FBXO9: variants seen among roughly 807,000 people sequenced by gnomAD.
FBXO9 encodes the protein F-box protein 9, also known as F-box only protein 9.
FBXO9 carries 43 observed loss-of-function variants against 63.7 expected under a neutral mutation model. The ratio of observed to expected loss-of-function variants is 0.67; its 90% CI spans 0.53 to 0.87. The LOEUF (loss-of-function observed/expected upper bound fraction) is 0.87, where lower values mean the gene tolerates loss of function less well. Among genes scored for constraint, FBXO9 ranks in the 40% least tolerant of loss-of-function variants. FBXO9 has a pLI of 0.00. For synonymous variants in FBXO9, 156 were observed against 171.7 expected (o/e 0.91, Z 0.72); for missense variants, 442 against 533.2 (o/e 0.83, Z 1.68).
rs1763287816 is a variant in FBXO9, at chr6:53,099,108, C to T, written c.*1278C>T. On this transcript the variant is annotated 3_prime_UTR_variant, in exon 13 of 13. Coordinates refer to ENST00000323557, the MANE Select transcript of FBXO9 (RefSeq NM_033480.3). ...GGCTTTTTAAAAAGCACATACAGAC[C>T]AGGCGTGGTGGCTCATGCCTATAAT... The T allele has an allele frequency of 6.6e-6, 1 of 151,800 alleles. No individual in the cohort carries two copies. Among genetic ancestry groups the T allele is most frequent in the African/African-American group, 2.4e-5 (1 of 41,268 alleles). 9.4% of individuals were successfully genotyped at this position (151,800 alleles called of 1,614,324 possible).
At position 53,078,996 on chromosome 6, in the gene FBXO9, T is replaced by C. The variant is rs1030335285; in HGVS notation, c.407+98T>C. 8.9e-6 allele frequency: 7 copies of C among 785,224 alleles called. No individual in the cohort carries two copies. The African/African-American group carries it at 1.0e-4, about 12-fold the overall frequency. The allele number at this position is 785,224 out of a possible 1,614,324, so 48.6% of individuals were successfully genotyped here. A position where few individuals can be genotyped will look rare whatever the true frequency, so the allele number is the denominator to read the frequency against. The stretch of plus-strand genomic sequence containing the variant: ...TAAGATGGTGCTAATTCTGTTGAGC[T>C]CTATACTCTTTAGTATATCTTTGTT... On this transcript the variant is annotated intron_variant, in intron 5 of 12. Transcript: ENST00000323557.
intron 2 of FBXO9, 94 bp from the exon 3 acceptor site, chr6:53,073,387 C>A (rs924636215): frequency 2.2e-6 from 2 of 918,250 alleles, no homozygotes; most frequent in South Asian, 2.0e-5. Flanking sequence ...TAAGTATATA[C>A]GTGGAAGTAG....
At chr6:53,087,177 A>G (rs929818930) in intron 7 of FBXO9, among the ~76,000 whole-genome samples, 2 of 151,926 alleles carry the variant, frequency 1.3e-5, no homozygotes, top group African/African-American at 2.4e-5. Context: ...CCCCGTCTCT[A>G]TGATAAAATA....
Position 53,093,360 on chromosome 6 carries a change from A to G in FBXO9, c.864-106A>G, listed in dbSNP as rs747694159. On this transcript the variant is annotated intron_variant, in intron 9 of 12. Coordinates refer to ENST00000323557, the MANE Select transcript of FBXO9 (RefSeq NM_033480.3). Reference sequence around the variant, plus strand: ...GCAGTTCTTTAGCCCGTGGTATTTCAGTGTTGGTTTCATAGCTATGAATAG... The same window carrying G: ...GCAGTTCTTTAGCCCGTGGTATTTCGGTGTTGGTTTCATAGCTATGAATAG... 4.6e-6 allele frequency: 3 copies of G among 645,682 alleles called. No homozygotes were observed. In the East Asian group the frequency reaches 8.5e-5, roughly 18 times the overall value. 40.0% of individuals were successfully genotyped at this position (645,682 alleles called of 1,614,324 possible).
rs1763327204 is a variant in FBXO9 at position 53,100,773 on chromosome 6, A to G, written c.*2943A>G. On this transcript the variant is annotated 3_prime_UTR_variant, in exon 13 of 13. Transcript: ENST00000323557. Reference sequence around the variant, plus strand: ...TGTAAGCATTTTGTTAAATATTTTTAATGACTTTAGAGTCCAACTTTATAC... The same window carrying G: ...TGTAAGCATTTTGTTAAATATTTTTGATGACTTTAGAGTCCAACTTTATAC... 6.6e-6 allele frequency: 1 copy of G among 152,178 alleles called. No homozygotes were observed. The highest frequency in any genetic ancestry group is 6.5e-5 in the Admixed American group (1 of 15,280). The allele number at this position is 152,178 out of a possible 1,614,324, so 9.4% of individuals were successfully genotyped here.
intron 4 of FBXO9, among the ~76,000 whole-genome samples, chr6:53,078,216 G>A (rs1028285811): frequency 6.6e-5 from 10 of 152,188 alleles, no homozygotes; most frequent in African/African-American, 2.4e-4. Context: ...CACTTTGGCA[G>A]GCTGAGGCGG....
Position 53,078,849 on chromosome 6 carries a change from A to C in FBXO9, c.358A>C (p.Lys120Gln). ...GCAACTTGTACCTGATATAGAGTTCAAGATTACTTATACCCGGTCTCCAGA... is the reference window on the plus strand; with the variant it reads ...GCAACTTGTACCTGATATAGAGTTCCAGATTACTTATACCCGGTCTCCAGA... ...AMQLVPDIEF[K>Q]ITYTRSPDGD... The change falls in exon 5 of 13, where the codon AAG (lysine) becomes CAG (glutamine). Residue 120 changes from lysine (K) to glutamine (Q), a missense_variant. By Grantham distance (53) the Lys-to-Gln change is moderately conservative. This residue lies in a region of FBXO9 where 180 missense variants were observed against 171.1 expected (regional missense o/e 1.05). Transcript: ENST00000323557. The C allele has an allele frequency of 6.2e-7, 1 of 1,613,942 alleles. No homozygotes were observed. The highest frequency in any genetic ancestry group is 8.5e-7 in the Non-Finnish European group (1 of 1,179,828).
chr6:53,065,472 A>G lies in FBXO9; in HGVS notation c.-318A>G, dbSNP rs1768657111. On this transcript the variant is annotated 5_prime_UTR_variant, in exon 1 of 13. Transcript: ENST00000323557. ...CTCCGCGGCGGCGTCCGGGGTCTCC[A>G]GTAGGGCTGACGCTCCGGTGCTCGC... 3.1e-6 allele frequency: 1 copy of G among 323,400 alleles called. No homozygotes were observed. Among genetic ancestry groups the G allele is most frequent in the Non-Finnish European group, 5.6e-6 (1 of 177,852 alleles). 20.0% of individuals were successfully genotyped at this position (323,400 alleles called of 1,614,324 possible).
intron 7 of FBXO9, among the ~76,000 whole-genome samples, chr6:53,084,818 T>C (rs746673072): frequency 4.6e-5 from 7 of 152,048 alleles, no homozygotes; most frequent in Non-Finnish European, 8.8e-5. Flanking sequence ...ATTGATCATA[T>C]AGGAATTTCA....
Position 53,075,851 on chromosome 6 carries a change from C to G in FBXO9, c.250-635C>G, listed in dbSNP as rs537416072. Reference sequence around the variant, plus strand: ...CTCTGCCTCCCAGGTTCAACTGATTCTCCTGCCTCAGCCTCCAGAGTAGCT... The same window carrying G: ...CTCTGCCTCCCAGGTTCAACTGATTGTCCTGCCTCAGCCTCCAGAGTAGCT... On this transcript the variant is annotated intron_variant, in intron 3 of 12. Transcript: ENST00000323557. Among the ~76,000 whole-genome samples, 16 of 133,368 alleles carry G rather than the reference C, an allele frequency of 1.2e-4. No homozygotes were observed. The South Asian group carries it at 3.5e-3, about 29-fold the overall frequency. The allele number at this position is 133,368 out of a possible 152,430, so 87.5% of individuals were successfully genotyped here.
At chr6:53,074,073 T>A (rs575807954) in intron 3 of FBXO9, among the ~76,000 whole-genome samples, 1 of 152,230 alleles carries the variant, frequency 6.6e-6, no homozygotes, top group Non-Finnish European at 1.5e-5. Context: ...ATATTTTGAA[T>A]TGATCAGCTT....
At chr6:53,088,975 G>A (rs1295702156) in intron 7 of FBXO9, among the ~76,000 whole-genome samples, 1 of 150,448 alleles carries the variant, frequency 6.6e-6, no homozygotes, top group African/African-American at 2.4e-5. Context: ...AGGCTGGAGT[G>A]CAGTGGCGCA....
intron 1 of FBXO9, among the ~76,000 whole-genome samples, chr6:53,066,430 G>C (rs1232314524): frequency 6.6e-6 from 1 of 152,246 alleles, no homozygotes; most frequent in Non-Finnish European, 1.5e-5. Context: ...CAGATTCCAT[G>C]AGACTGTTCC....
In FBXO9 at chr6:53,075,734, A is replaced by ATTTT. The variant is rs761159029; in HGVS notation, c.250-750_250-749insTTTT. Among the ~76,000 whole-genome samples the ATTTT allele has an allele frequency of 9.3e-3, 767 of 82,110 alleles. 197 individuals are homozygous for ATTTT. The highest frequency in any genetic ancestry group is 0.016 in the African/African-American group (304 of 19,304). The allele number at this position is 82,110 out of a possible 152,430, so 53.9% of individuals were successfully genotyped here. On this transcript the variant is annotated intron_variant, in intron 3 of 12. Coordinates refer to ENST00000323557, the MANE Select transcript of FBXO9 (RefSeq NM_033480.3). ...TAATTGGATTACATATATATATATA[A>ATTTT]TTATTTTTTTTTTTTTTTTTTTTTT... is the stretch of plus-strand genomic sequence containing the variant.
chr6:53,096,813 G>A (rs960741240), intron 12 of FBXO9, among the ~76,000 whole-genome samples: 1 of 152,102 alleles, frequency 6.6e-6, no homozygotes, highest in Non-Finnish European at 1.5e-5. Context: ...GGTTGAGGTG[G>A]GAATATCATT....
At position 53,099,040 on chromosome 6, in the gene FBXO9, A is replaced by G. The variant is rs1046071780; in HGVS notation, c.*1210A>G. 2.0e-5 allele frequency: 3 copies of G among 152,052 alleles called. No individual in the cohort carries two copies. Among genetic ancestry groups the G allele is most frequent in the Non-Finnish European group, 4.4e-5 (3 of 68,034 alleles). 9.4% of individuals were successfully genotyped at this position (152,052 alleles called of 1,614,324 possible). ...GCAGCCACTGTTACTTTTAATTGAC[A>G]TTAAGAGACACTTCATAGGTTCCCA... On this transcript the variant is annotated 3_prime_UTR_variant, in exon 13 of 13. Transcript: ENST00000323557.
rs1941042018 is a variant in FBXO9, at chr6:53,065,796, A to G, written c.3+4A>G. 7.2e-7 allele frequency: 1 copy of G among 1,382,442 alleles called. No individual in the cohort carries two copies. The highest frequency in any genetic ancestry group is 9.4e-7 in the Non-Finnish European group (1 of 1,066,658). The allele number at this position is 1,382,442 out of a possible 1,614,324, so 85.6% of individuals were successfully genotyped here. ...AGCAGGCCGCCCCGCCAGCATGGTA[A>G]CCTGGCCAGGGGGCTCGAGGGTGGA... On this transcript the variant is annotated splice_donor_region_variant and intron_variant, in intron 1 of 12. Coordinates refer to ENST00000323557, the MANE Select transcript of FBXO9 (RefSeq NM_033480.3).
At chr6:53,071,549 A>T (rs1050042101) in intron 2 of FBXO9, among the ~76,000 whole-genome samples, 1 of 152,230 alleles carries the variant, frequency 6.6e-6, no homozygotes, top group African/African-American at 2.4e-5. Context: ...GAGCACTCAT[A>T]TATTTGGAAG....
intron 9 of FBXO9, 48 bp downstream of exon 9, chr6:53,092,872 TATTA>T (rs1484218565): frequency 7.6e-6 from 10 of 1,310,342 alleles, no homozygotes; most frequent in Non-Finnish European, 8.6e-6. Flanking sequence ...TCTCTCCATG[TATTA>T]GTTAAATGGA....
Sources: gnomAD v4.1 joint callset for allele counts (sites outside exome capture counted in the v4.1 genomes callset) on GRCh38, gnomAD v4.1.1 for gene constraint, gnomAD v4.1.1 regional missense constraint, MANE v1.5 for transcripts, NCBI Gene and HGNC (gene_info 2026-07-23, HGNC 2026-07-21) for gene names.